SSX2IP: variants seen among roughly 807,000 people sequenced by gnomAD.
SSX2IP encodes SSX family member 2 interacting protein, also known as afadin- and alpha-actinin-binding protein.
Under a neutral mutation model 84.9 loss-of-function variants are expected in SSX2IP, and 55 were observed. That is an observed-to-expected ratio of 0.65 (90% CI 0.52 to 0.81). The LOEUF (loss-of-function observed/expected upper bound fraction) is 0.81, where lower values mean the gene tolerates loss of function less well. Among genes scored for constraint, SSX2IP ranks in the 30% least tolerant of loss-of-function variants. SSX2IP has a pLI of 0.00. For synonymous variants in SSX2IP, 239 were observed against 234.7 expected, an observed-to-expected ratio of 1.02 and a Z score of -0.17; for missense variants, 664 against 705.2, an observed-to-expected ratio of 0.94 and a Z score of 0.66.
chr1:84,664,715 A>C (rs578038779), intron 5 of SSX2IP, among the ~76,000 whole-genome samples, 163 bp from the exon 6 acceptor site: 1 of 152,130 alleles, frequency 6.6e-6, no homozygotes, highest in Non-Finnish European at 1.5e-5. Context: ...TGAATCACAT[A>C]AAGTTTTTTT....
chr1:84,667,841 C>G (rs1330773127), intron 4 of SSX2IP, among the ~76,000 whole-genome samples: 1 of 152,112 alleles, frequency 6.6e-6, no homozygotes, highest in East Asian at 1.9e-4. Context: ...CTCCATGAAG[C>G]CTTCCCTTGC....
chr1:84,667,786 A>T (rs1305736451), intron 4 of SSX2IP, among the ~76,000 whole-genome samples: 1 of 152,140 alleles, frequency 6.6e-6, no homozygotes, highest in Non-Finnish European at 1.5e-5. Flanking sequence ...TCCAAACACT[A>T]GCAAATTTCT....
At chr1:84,657,125 T>C (rs1651234336) in intron 9 of SSX2IP, among the ~76,000 whole-genome samples, 1 of 152,138 alleles carries the variant, frequency 6.6e-6, no homozygotes, top group South Asian at 2.1e-4. Flanking sequence ...TTTCTTTAAA[T>C]AGGCTTCATT....
rs1036844446 is a variant in SSX2IP, at chr1:84,644,101, C to T, written c.*3332G>A. 6.6e-5 allele frequency: 10 copies of T among 152,210 alleles called. No individual in the cohort carries two copies. Among genetic ancestry groups the T allele is most frequent in the Non-Finnish European group, 4.4e-5 (3 of 68,038 alleles). The allele number at this position is 152,210 out of a possible 1,614,324, so 9.4% of individuals were successfully genotyped here. A position where few individuals can be genotyped will look rare whatever the true frequency, so the allele number is the denominator to read the frequency against. ...GCTCTTGAGGAGAGAAAATCCTACA[C>T]TGCTTTGCAGGTCAACATTTTGATT... On this transcript the variant is annotated 3_prime_UTR_variant, in exon 14 of 14. Coordinates refer to ENST00000342203, the MANE Select transcript of SSX2IP (RefSeq NM_001166293.2).
At chr1:84,664,276 TAAAC>T in intron 6 of SSX2IP, 137 bp downstream of exon 6, 1 of 889,704 alleles carries the variant, frequency 1.1e-6, no homozygotes. Flanking sequence ...ATTTTTTATA[TAAAC>T]AAACACCACT....
intron 6 of SSX2IP, 32 bp from the exon 7 acceptor site, chr1:84,662,562 A>G: frequency 3.1e-6 from 5 of 1,608,334 alleles, no homozygotes; most frequent in Non-Finnish European, 4.3e-6. Flanking sequence ...ATTAATTCTT[A>G]CCATACATGC....
chr1:84,652,051 G>T, intron 11 of SSX2IP, 54 bp from the exon 12 acceptor site: 2 of 1,310,450 alleles, frequency 1.5e-6, no homozygotes, highest in Non-Finnish European at 2.2e-6. Context: ...CCACACAGTT[G>T]CCATTTCACA....
chr1:84,658,029 G>A (rs1016482621), intron 9 of SSX2IP, among the ~76,000 whole-genome samples: 4 of 152,098 alleles, frequency 2.6e-5, no homozygotes, highest in Non-Finnish European at 5.9e-5. Context: ...TAGCTGCTCA[G>A]CAGGCTGAGG....
intron 1 of SSX2IP, among the ~76,000 whole-genome samples, chr1:84,688,180 C>T (rs1194109242): frequency 6.6e-6 from 1 of 152,196 alleles, no homozygotes; most frequent in Non-Finnish European, 1.5e-5. Flanking sequence ...TCAAAAGGCA[C>T]AATTCTAGGA....
At chr1:84,670,270 T>TA (rs1653369345) in intron 3 of SSX2IP, 1 of 173,712 alleles carries the variant, frequency 5.8e-6, no homozygotes, top group Admixed American at 6.1e-5. Flanking sequence ...CTTAGAAAAA[T>TA]AGAAAACTAT....
Position 84,650,356 on chromosome 1 carries a change from A to G in SSX2IP, c.1670+6T>C, listed in dbSNP as rs762418452. ...ACACGTGAAAAGATCACCTATAGAC[A>G]AATACCTATGTTCAGATATGCAGGA... On this transcript the variant is annotated splice_donor_region_variant and intron_variant, in intron 13 of 13. Transcript: ENST00000342203. 1 of 1,614,204 alleles carries G rather than the reference A, an allele frequency of 6.2e-7. No individual in the cohort carries two copies. The highest frequency in any genetic ancestry group is 8.5e-7 in the Non-Finnish European group (1 of 1,180,012).
intron 2 of SSX2IP, 124 bp downstream of exon 2, chr1:84,671,053 T>C: frequency 8.3e-7 from 1 of 1,211,778 alleles, no homozygotes; most frequent in Non-Finnish European, 1.1e-6. Context: ...AAAATAAGTA[T>C]TTTACAACGA....
At chr1:84,668,832 T>C (rs1253390054) in intron 4 of SSX2IP, among the ~76,000 whole-genome samples, 1 of 152,150 alleles carries the variant, frequency 6.6e-6, no homozygotes, top group African/African-American at 2.4e-5. Context: ...TAAACGGGCA[T>C]GGACCAACAG....
chr1:84,689,751 A>T (rs1656320631), intron 1 of SSX2IP, among the ~76,000 whole-genome samples: 1 of 152,238 alleles, frequency 6.6e-6, no homozygotes, highest in Non-Finnish European at 1.5e-5. Flanking sequence ...CGTTGACTAT[A>T]AAATTCTAAA....
At chr1:84,674,522 T>G (rs1654033509) in intron 1 of SSX2IP, among the ~76,000 whole-genome samples, 1 of 152,212 alleles carries the variant, frequency 6.6e-6, no homozygotes, top group South Asian at 2.1e-4. Flanking sequence ...TTCCAATTTG[T>G]GTTCTTGTTA....
intron 10 of SSX2IP, 22 bp from the exon 11 acceptor site, chr1:84,656,027 T>G (rs1224625937): frequency 3.7e-6 from 6 of 1,600,722 alleles, no homozygotes; most frequent in Admixed American, 1.7e-5. Flanking sequence ...TAAAACATAG[T>G]AAGTTCCTGA....
intron 1 of SSX2IP, chr1:84,680,518 G>C (rs1654927469): frequency 6.6e-6 from 1 of 151,882 alleles, no homozygotes; most frequent in South Asian, 2.1e-4. Context: ...AAAGGTCATG[G>C]GTACATGGTA....
rs775636818 is a variant in SSX2IP at position 84,655,996 on chromosome 1, C to T, written c.1225G>A (p.Ala409Thr). ...TQQQLLQQQL[A>T]TAYDDDTTSL... ...GTGGTATCATCATCATATGCAGTAG[C>T]GAGCTGCTGCTATTAAAATTTAAAA... The change falls in exon 11 of 14, where the codon GCT becomes ACT. Residue 409 changes from alanine to threonine, a missense_variant. By Grantham distance (58) the Ala-to-Thr change is moderately conservative. Transcript: ENST00000342203. The T allele has an allele frequency of 1.2e-5, 20 of 1,609,116 alleles. No individual in the cohort carries two copies. Among genetic ancestry groups the T allele is most frequent in the South Asian group, 3.3e-5 (3 of 90,406 alleles).
rs1649566144 is a variant in SSX2IP at position 84,647,323 on chromosome 1, C to G, written c.*110G>C. ...AAGACAGGGAAGTCCAAACAAACAA[C>G]TCAGACCATCTTAAGTTATTAGAGA... On this transcript the variant is annotated 3_prime_UTR_variant, in exon 14 of 14. Transcript: ENST00000342203. The G allele has an allele frequency of 1.0e-6, 1 of 976,162 alleles. No individual in the cohort carries two copies. Among genetic ancestry groups the G allele is most frequent in the African/African-American group, 1.7e-5 (1 of 60,422 alleles). The allele number at this position is 976,162 out of a possible 1,614,324, so 60.5% of individuals were successfully genotyped here.
Sources: gnomAD v4.1 joint callset for allele counts (sites outside exome capture counted in the v4.1 genomes callset) on GRCh38, gnomAD v4.1.1 for gene constraint, MANE v1.5 for transcripts, NCBI Gene and HGNC (gene_info 2026-07-23, HGNC 2026-07-21) for gene names.